The following SORCS3 variants were observed in gnomAD, a reference collection of about 807,000 sequenced individuals.
SORCS3 encodes sortilin related VPS10 domain containing receptor 3, also known as VPS10 domain-containing receptor SorCS3.
Under a neutral mutation model 146.3 loss-of-function variants are expected in SORCS3, and 57 were observed. That is an observed-to-expected ratio of 0.39 (90% CI 0.31 to 0.49). The LOEUF is 0.49. SORCS3 is among the 20% of genes least tolerant of loss of function. The pLI, the probability that SORCS3 is intolerant of heterozygous loss-of-function variation, is 0.92. For missense variants in SORCS3, 1,341 were observed against 1,575.5 expected (o/e 0.85, Z 2.52); for synonymous variants, 653 against 618.5 (o/e 1.06, Z -0.83).
At chr10:104,839,467 G>A (rs2018112540) in intron 1 of SORCS3, among the ~76,000 whole-genome samples, 1 of 152,152 alleles carries the variant, frequency 6.6e-6, no homozygotes, top group African/African-American at 2.4e-5. Context: ...GTGAGGATGT[G>A]TTTGTCTTAC....
At chr10:105,188,950 G>A (rs1423983018) in intron 14 of SORCS3, among the ~76,000 whole-genome samples, 7 of 152,142 alleles carry the variant, frequency 4.6e-5, no homozygotes, top group Non-Finnish European at 7.3e-5. Context: ...ATGACTCACC[G>A]GAATCCACAG....
At chr10:104,813,359 TA>T (rs1424518485) in intron 1 of SORCS3, among the ~76,000 whole-genome samples, 5 of 152,352 alleles carry the variant, frequency 3.3e-5, no homozygotes, top group African/African-American at 4.8e-5. Flanking sequence ...ATTATATATT[TA>T]TTTTTTTGTT....
At chr10:104,885,657 T>G (rs1360058225) in intron 2 of SORCS3, among the ~76,000 whole-genome samples, 1 of 152,192 alleles carries the variant, frequency 6.6e-6, no homozygotes, top group East Asian at 1.9e-4. Flanking sequence ...TTTCCCATTC[T>G]CATGCCATCC....
In SORCS3 at chr10:104,935,370, T is replaced by C. The variant is rs11192238; in HGVS notation, c.795+19438T>C. ...TTAGATCTCAACTCTGGCTGCTCTT[T>C]AGGATTACCTGGAGGAGCTTTAAAA... On this transcript the variant is annotated intron_variant, in intron 3 of 26. Transcript: ENST00000369701. Among the ~76,000 whole-genome samples, 1,385 of 152,316 alleles carry C rather than the reference T, an allele frequency of 9.1e-3. 22 individuals carry two copies. The highest frequency in any genetic ancestry group is 0.031 in the African/African-American group (1,303 of 41,568).
At chr10:105,207,967 A>G (rs1284361823) in intron 16 of SORCS3, among the ~76,000 whole-genome samples, 2 of 152,200 alleles carry the variant, frequency 1.3e-5, no homozygotes, top group African/African-American at 4.8e-5. Context: ...AGATTTACCT[A>G]AGAAAACAAC....
At chr10:105,183,958 G>A (rs2056459512) in intron 14 of SORCS3, among the ~76,000 whole-genome samples, 1 of 152,220 alleles carries the variant, frequency 6.6e-6, no homozygotes. Context: ...TACCACCTAT[G>A]TGACTTTAGT....
Position 105,176,673 on chromosome 10 carries a change from G to A in SORCS3, c.1902-1393G>A, listed in dbSNP as rs530241533. On this transcript the variant is annotated intron_variant, in intron 13 of 26. Coordinates refer to ENST00000369701, the MANE Select transcript of SORCS3 (RefSeq NM_014978.3). ...GATCGAGACCATCCTGTCTAACACA[G>A]TGAAACCCTTTCTCTACAAAGAATA... Among the ~76,000 whole-genome samples the A allele has an allele frequency of 2.2e-4, 34 of 152,104 alleles. No homozygotes were observed. The East Asian group carries it at 6.4e-3, about 29-fold the overall frequency.
At chr10:105,193,672 A>C (rs1181425821) in intron 14 of SORCS3, among the ~76,000 whole-genome samples, 1 of 152,232 alleles carries the variant, frequency 6.6e-6, no homozygotes, top group Non-Finnish European at 1.5e-5. Flanking sequence ...CTTTTATTAA[A>C]AAGATAAGTC....
intron 1 of SORCS3, among the ~76,000 whole-genome samples, chr10:104,763,897 C>A (rs571362760): frequency 6.6e-6 from 1 of 152,064 alleles, no homozygotes; most frequent in African/African-American, 2.4e-5. Context: ...CATTCTCTCT[C>A]CTGCCACCTC....
At chr10:104,874,651 T>C (rs969641007) in intron 2 of SORCS3, among the ~76,000 whole-genome samples, 3 of 152,174 alleles carry the variant, frequency 2.0e-5, no homozygotes, top group Non-Finnish European at 2.9e-5. Flanking sequence ...CTACTATATA[T>C]TCCAGCTTTG....
At chr10:104,725,269 C>T (rs1057256519) in intron 1 of SORCS3, among the ~76,000 whole-genome samples, 1 of 152,214 alleles carries the variant, frequency 6.6e-6, no homozygotes, top group African/African-American at 2.4e-5. Context: ...TGGGTATCAG[C>T]AGCGGAGGCT....
At chr10:104,998,246 C>A (rs779005957) in intron 4 of SORCS3, among the ~76,000 whole-genome samples, 5 of 152,130 alleles carry the variant, frequency 3.3e-5, no homozygotes, top group Non-Finnish European at 7.4e-5. Context: ...ATTTAATTCC[C>A]TGATTCTCTT....
rs141812870 is a variant in SORCS3 at position 104,885,644 on chromosome 10, G to A, written c.696-30189G>A. The stretch of plus-strand genomic sequence containing the variant: ...CATGAAACAATATTTTTCGTTTTGC[G>A]TCTTTCCCATTCTCATGCCATCCTA... On this transcript the variant is annotated intron_variant, in intron 2 of 26. Transcript: ENST00000369701. Among the ~76,000 whole-genome samples, 443 of 152,140 alleles carry A rather than the reference G, an allele frequency of 2.9e-3. 1 individual carries two copies. The highest frequency in any genetic ancestry group is 4.5e-3 in the Non-Finnish European group (306 of 67,988).
chr10:105,101,975 G>T (rs918058551), intron 6 of SORCS3, among the ~76,000 whole-genome samples: 2 of 152,162 alleles, frequency 1.3e-5, no homozygotes, highest in Non-Finnish European at 2.9e-5. Flanking sequence ...GCAGCAATGT[G>T]CTCCAAAGCA....
In SORCS3 at chr10:104,862,842, A is replaced by C. The variant is rs942817605; in HGVS notation, c.695+19983A>C. On this transcript the variant is annotated intron_variant, in intron 2 of 26. Coordinates refer to ENST00000369701, the MANE Select transcript of SORCS3 (RefSeq NM_014978.3). ...TGTAAATCAAATCTGCAAAAATCTT[A>C]ATTTGTAAAAGTTACATTCCTTCTT... 1.5e-4 allele frequency among the ~76,000 whole-genome samples: 23 copies of C among 151,962 alleles called. 1 individual carries two copies. Among genetic ancestry groups the C allele is most frequent in the Non-Finnish European group, 3.2e-4 (22 of 68,036 alleles).
chr10:105,006,123 G>A (rs1331640015), intron 4 of SORCS3, among the ~76,000 whole-genome samples: 1 of 152,096 alleles, frequency 6.6e-6, no homozygotes, highest in Admixed American at 6.5e-5. Flanking sequence ...TGTATTTTTA[G>A]TAGAGACAGG....
chr10:105,000,780 A>G (rs989041395), intron 4 of SORCS3, among the ~76,000 whole-genome samples: 2 of 152,148 alleles, frequency 1.3e-5, no homozygotes, highest in Admixed American at 1.3e-4. Context: ...GTATCAGATA[A>G]CACTTCAAAC....
chr10:105,125,019 T>C (rs2055963235), intron 7 of SORCS3, among the ~76,000 whole-genome samples: 1 of 152,190 alleles, frequency 6.6e-6, no homozygotes, highest in South Asian at 2.1e-4. Context: ...TTGTATTCAT[T>C]ATTTCATTGT....
intron 2 of SORCS3, among the ~76,000 whole-genome samples, chr10:104,874,337 T>C (rs2018548758): frequency 6.6e-6 from 1 of 152,184 alleles, no homozygotes; most frequent in African/African-American, 2.4e-5. Flanking sequence ...TTTCCTTTGC[T>C]ATCTTGTCTC....
Sources: allele counts gnomAD v4.1 joint callset (sites outside exome capture counted in the v4.1 genomes callset), GRCh38; gene constraint gnomAD v4.1.1; transcripts MANE v1.5; gene names NCBI Gene and HGNC (gene_info 2026-07-23, HGNC 2026-07-21).